TCF12: variants seen among roughly 807,000 people sequenced by gnomAD.
TCF12 encodes the protein DNA-binding protein HTF4.
TCF12 carries 45 observed loss-of-function variants against 86.0 expected under a neutral mutation model. The ratio of observed to expected loss-of-function variants is 0.52; its 90% confidence interval spans 0.41 to 0.67. TCF12 has a LOEUF of 0.67. Among genes scored for constraint, TCF12 ranks in the 30% least tolerant of loss-of-function variants. The pLI, the probability that TCF12 is intolerant of heterozygous loss-of-function variation, is 0.00. For missense variants in TCF12, 881 were observed against 859.9 expected (o/e 1.02, Z -0.31); for synonymous variants, 330 against 299.6 (o/e 1.10, Z -1.05).
At chr15:57,163,664 CTG>C (rs1170587461) in intron 5 of TCF12, among the ~76,000 whole-genome samples, 8 of 152,208 alleles carry the variant, frequency 5.3e-5, no homozygotes, top group African/African-American at 1.9e-4. Flanking sequence ...AATTATGTAA[CTG>C]TGCTCTAGCC....
intron 5 of TCF12, among the ~76,000 whole-genome samples, chr15:57,145,781 A>G (rs911073651): frequency 6.6e-6 from 1 of 152,128 alleles, no homozygotes. Flanking sequence ...AGCTAACTCT[A>G]TGCCCAAAGG....
chr15:57,240,894 A>AAAG (rs1311648297), intron 12 of TCF12, among the ~76,000 whole-genome samples: 2 of 150,960 alleles, frequency 1.3e-5, no homozygotes, highest in Admixed American at 6.6e-5. Context: ...AAAAAAAAAA[A>AAAG]AAAAAAAGAA....
chr15:57,158,184 G>GTTTTTTTTTTTTTTTTTT lies in TCF12; in HGVS notation c.326-8215_326-8214insTTTTTTTTTTTTTTTTTT, dbSNP rs374179677. 4.5e-5 allele frequency among the ~76,000 whole-genome samples: 6 copies of GTTTTTTTTTTTTTTTTTT among 134,086 alleles called. 2 individuals carry two copies. The highest frequency in any genetic ancestry group is 1.6e-5 in the Non-Finnish European group (1 of 62,334). The allele number at this position is 134,086 out of a possible 152,430, so 88.0% of individuals were successfully genotyped here. On this transcript the variant is annotated intron_variant, in intron 5 of 20. Coordinates refer to ENST00000333725, the MANE Select transcript of TCF12 (RefSeq NM_207037.2). Reference sequence around the variant, plus strand: ...ACAGATGTTAAAGTCTCAGAAAGTCGTTTCTTTTTTTTTTTTTTCTTTGAG... The same window carrying GTTTTTTTTTTTTTTTTTT: ...ACAGATGTTAAAGTCTCAGAAAGTCGTTTTTTTTTTTTTTTTTTTTTCTTTTTTTTTTTTTTCTTTGAG...
At chr15:56,949,304 A>G (rs1430445335) in intron 3 of TCF12, among the ~76,000 whole-genome samples, 1 of 152,224 alleles carries the variant, frequency 6.6e-6, no homozygotes, top group African/African-American at 2.4e-5. Flanking sequence ...TACCAAAAGC[A>G]TGACAGTCCA....
At chr15:57,219,618 A>T in intron 8 of TCF12, 1 of 1,606,148 alleles carries the variant, frequency 6.2e-7, no homozygotes, top group Non-Finnish European at 8.5e-7. Flanking sequence ...TATAGCTTCT[A>T]ACTCACTTGT....
At chr15:57,268,449 G>T (rs1049956450) in intron 18 of TCF12, among the ~76,000 whole-genome samples, 1 of 152,136 alleles carries the variant, frequency 6.6e-6, no homozygotes, top group Non-Finnish European at 1.5e-5. Context: ...AGGCTGGAGT[G>T]CAGTGGACAA....
rs766914079 is a variant in TCF12, at chr15:57,234,028, CTA to C, written c.971-13_971-12del. The C allele has an allele frequency of 4.0e-5, 64 of 1,609,438 alleles. No homozygotes were observed. The highest frequency in any genetic ancestry group is 5.3e-5 in the Non-Finnish European group (62 of 1,176,070). On this transcript the variant is annotated splice_polypyrimidine_tract_variant and intron_variant, in intron 11 of 20. Transcript: ENST00000333725. ...CTTGTAAAATTCTTGATTTATTTCT[CTA>C]TGAAATATCCAGGAACCAGAGGGAA...
intron 19 of TCF12, 180 bp from the exon 20 acceptor site, chr15:57,282,265 A>T (rs1168414744): frequency 6.0e-6 from 4 of 669,352 alleles, no homozygotes; most frequent in Non-Finnish European, 9.9e-6. Context: ...ATGGTCACTT[A>T]GAAGTATAAA....
chr15:57,230,285 A>T (rs1268981307), intron 8 of TCF12, among the ~76,000 whole-genome samples: 1 of 151,974 alleles, frequency 6.6e-6, no homozygotes, highest in Non-Finnish European at 1.5e-5. Context: ...TACACTGCTC[A>T]TAATAGCTTA....
chr15:57,200,162 C>T (rs2703596), intron 8 of TCF12, among the ~76,000 whole-genome samples: 82,905 of 150,766 alleles, frequency 0.55, 23,108 homozygotes, highest in East Asian at 0.64. Flanking sequence ...ATTGTAGGTG[C>T]GAGCCACCAC....
At chr15:57,012,068 T>G (rs1255520890) in intron 3 of TCF12, among the ~76,000 whole-genome samples, 1 of 152,192 alleles carries the variant, frequency 6.6e-6, no homozygotes, top group African/African-American at 2.4e-5. Context: ...AGCATTTTCT[T>G]CTTAAGCAGG....
At chr15:57,073,705 A>G (rs1229022422) in intron 4 of TCF12, among the ~76,000 whole-genome samples, 1 of 152,164 alleles carries the variant, frequency 6.6e-6, no homozygotes. Context: ...AGTTATTTCT[A>G]CTTGTGCAGG....
chr15:56,918,537 C>G, upstream of TCF12: 2 of 287,758 alleles, frequency 7.0e-6, no homozygotes, highest in Non-Finnish European at 1.4e-5. Context: ...CAGTCCCCGA[C>G]AGCTCCTCCC....
In TCF12 at chr15:57,044,342, A is replaced by G. The variant is rs769399036; in HGVS notation, c.149-19408A>G. Among the ~76,000 whole-genome samples the G allele has an allele frequency of 1.8e-3, 281 of 152,260 alleles. 1 individual carries two copies. Among genetic ancestry groups the G allele is most frequent in the Non-Finnish European group, 2.7e-3 (183 of 68,014 alleles). On this transcript the variant is annotated intron_variant, in intron 3 of 20. Transcript: ENST00000333725. ...TTTGGGAGGCCGAGACAGGCGGATC[A>G]CTTGAGGTCAGGAGTTTGAGATAAG...
chr15:57,231,334 G>A lies in TCF12; in HGVS notation c.685+77G>A, dbSNP rs575748844. ...GCCAGTATTTTAAAGTATTAGGAAA[G>A]AGAATACCTATATTCAGGCCTTATT... On this transcript the variant is annotated intron_variant, in intron 9 of 20. Coordinates refer to ENST00000333725, the MANE Select transcript of TCF12 (RefSeq NM_207037.2). 1.7e-5 allele frequency: 20 copies of A among 1,173,322 alleles called. No homozygotes were observed. The East Asian group carries it at 4.5e-4, about 26-fold the overall frequency. The allele number at this position is 1,173,322 out of a possible 1,614,324, so 72.7% of individuals were successfully genotyped here. A position where few individuals can be genotyped will look rare whatever the true frequency, so the allele number is the denominator to read the frequency against.
At chr15:57,151,678 T>C (rs2151461015) in intron 5 of TCF12, among the ~76,000 whole-genome samples, 1 of 151,628 alleles carries the variant, frequency 6.6e-6, no homozygotes, top group South Asian at 2.1e-4. Flanking sequence ...GGCAGGAGAA[T>C]CGTTTGAACC....
chr15:57,206,165 A>G (rs776946741), intron 8 of TCF12, among the ~76,000 whole-genome samples: 6 of 152,226 alleles, frequency 3.9e-5, no homozygotes, highest in South Asian at 4.1e-4. Flanking sequence ...TGTCAATACA[A>G]TAAACTCTGG....
chr15:57,024,780 A>C (rs1162657696), intron 3 of TCF12, among the ~76,000 whole-genome samples: 4 of 152,214 alleles, frequency 2.6e-5, no homozygotes, highest in African/African-American at 9.6e-5. Flanking sequence ...TTATTACATT[A>C]GCTCCACATA....
At chr15:56,922,042 A>G (rs2059817278) in intron 3 of TCF12, among the ~76,000 whole-genome samples, 1 of 151,964 alleles carries the variant, frequency 6.6e-6, no homozygotes, top group South Asian at 2.1e-4. Context: ...TTCTTGATCA[A>G]AAGGACATCA....
Sources: allele counts gnomAD v4.1 joint callset (sites outside exome capture counted in the v4.1 genomes callset), GRCh38; gene constraint gnomAD v4.1.1; transcripts MANE v1.5; gene names NCBI Gene and HGNC (gene_info 2026-07-23, HGNC 2026-07-21).